Variants in CHD8 observed in about 807,000 individuals in gnomAD.
CHD8 encodes the protein ATP-dependent chromatin remodeler CHD8.
Under a neutral mutation model 279.2 loss-of-function variants are expected in CHD8, and 31 were observed. That is an observed-to-expected ratio of 0.11 (90% CI 0.08 to 0.15). The LOEUF is 0.15. Among genes scored for constraint, CHD8 ranks in the 10% least tolerant of loss-of-function variants. The probability of loss-of-function intolerance (pLI) is 1.00; values close to 1 mark genes in which losing one functional copy is unlikely to be tolerated. For missense variants in CHD8, 2,146 were observed against 3,230.5 expected (o/e 0.66, Z 8.14); for synonymous variants, 1,081 against 1,139.6 (o/e 0.95, Z 1.04).
At position 21,425,859 on chromosome 14, in the gene CHD8, C is replaced by T. The variant is rs1294543472; in HGVS notation, c.1716+269G>A. On this transcript the variant is annotated intron_variant, in intron 5 of 37. Coordinates refer to ENST00000646647, the MANE Select transcript of CHD8 (RefSeq NM_001170629.2). ...GCTAAGGCAGGATAATCGTTTGAAACCGGGAGGCAGAGGGTGCAGTAAGCT... is the reference window on the plus strand; with the variant it reads ...GCTAAGGCAGGATAATCGTTTGAAATCGGGAGGCAGAGGGTGCAGTAAGCT... The T allele has an allele frequency of 3.5e-5, 12 of 343,016 alleles. No individual in the cohort carries two copies. The Admixed American group carries it at 5.3e-4, about 15-fold the overall frequency. 21.2% of individuals were successfully genotyped at this position (343,016 alleles called of 1,614,324 possible).
intron 1 of CHD8, 138 bp from the exon 2 acceptor site, chr14:21,431,996 C>A: frequency 3.2e-6 from 2 of 626,892 alleles, no homozygotes; most frequent in South Asian, 1.9e-5. Flanking sequence ...TGAGGACGGA[C>A]ATACAGCAGA....
chr14:21,401,195 G>T, intron 21 of CHD8, 124 bp from the exon 22 acceptor site: 1 of 909,650 alleles, frequency 1.1e-6, no homozygotes, highest in Non-Finnish European at 1.6e-6. Flanking sequence ...TTTTTTAAAT[G>T]ACATGTAAAA....
At chr14:21,399,893 C>T (rs1887955245) in intron 25 of CHD8, 88 bp downstream of exon 25, 5 of 1,196,408 alleles carry the variant, frequency 4.2e-6, no homozygotes, top group Admixed American at 1.7e-5. Flanking sequence ...TATCAGGTAT[C>T]CCAAAGATAG....
chr14:21,443,041 T>C (rs1035671485), intron 1 of CHD8, among the ~76,000 whole-genome samples: 4 of 152,122 alleles, frequency 2.6e-5, no homozygotes, highest in African/African-American at 9.7e-5. Flanking sequence ...AAAGCCAGAA[T>C]TTTGACTGTA....
At chr14:21,434,108 C>T (rs988577780) in intron 1 of CHD8, among the ~76,000 whole-genome samples, 13 of 149,502 alleles carry the variant, frequency 8.7e-5, no homozygotes, top group African/African-American at 2.2e-4. Context: ...TGCAATGGCG[C>T]GATCTCGGCT....
At position 21,408,933 on chromosome 14, in the gene CHD8, T is replaced by C. The variant is rs1888364890; in HGVS notation, c.2365-108A>G. 4 of 1,111,008 alleles carry C rather than the reference T, an allele frequency of 3.6e-6. No homozygotes were observed. Among genetic ancestry groups the C allele is most frequent in the Non-Finnish European group, 5.1e-6 (4 of 788,138 alleles). The allele number at this position is 1,111,008 out of a possible 1,614,324, so 68.8% of individuals were successfully genotyped here. On this transcript the variant is annotated intron_variant, in intron 11 of 37. Coordinates refer to ENST00000646647, the MANE Select transcript of CHD8 (RefSeq NM_001170629.2). This position sits in a 1 kb window ranked among gnomAD's most constrained non-coding sequence, Gnocchi z 4.3. ...TCAATTCAAAACAACATTGTTTGGA[T>C]TAAAACATGTCAAATATATTTAAAT...
chr14:21,392,783 G>T lies in CHD8; in HGVS notation c.6495C>A (p.Asp2165Glu). The change falls in exon 34 of 38, where the codon GAC becomes GAA. Residue 2165 changes from aspartate to glutamate, a missense_variant. Physicochemically the swap from Asp to Glu is conservative, Grantham distance 45. This residue lies in a region of CHD8 where 513 missense variants were observed against 637.6 expected (regional missense o/e 0.80). Transcript: ENST00000646647. The stretch of plus-strand genomic sequence containing the variant: ...CTGAGAGTACAGCCTGGCAGACGAG[G>T]TCAATACGGTTTATCAGGACACGAT... ...PKDRVLINRI[D>E]LVCQAVLSGK... 2 of 1,613,854 alleles carry T rather than the reference G, an allele frequency of 1.2e-6. No homozygotes were observed. Among genetic ancestry groups the T allele is most frequent in the Non-Finnish European group, 8.5e-7 (1 of 1,179,850 alleles).
intron 26 of CHD8, chr14:21,399,358 A>G (rs894513671): frequency 2.1e-6 from 1 of 484,812 alleles, no homozygotes; most frequent in Non-Finnish European, 3.8e-6. Flanking sequence ...CACTGCTAAC[A>G]GTGATTAGAG....
chr14:21,428,343 T>C, intron 3 of CHD8, 89 bp from the exon 4 acceptor site: 3 of 1,184,250 alleles, frequency 2.5e-6, no homozygotes, highest in Non-Finnish European at 1.2e-6. Flanking sequence ...GGCTAGAAAC[T>C]AGTTCTTTAA....
At position 21,395,943 on chromosome 14, in the gene CHD8, C is replaced by G. The variant is rs370399801; in HGVS notation, c.5052-51G>C. The stretch of plus-strand genomic sequence containing the variant: ...AATGTTAATAATGTATCTTCTATCA[C>G]TAAGGGAACCTAGGATGAAGACCTA... On this transcript the variant is annotated intron_variant, in intron 27 of 37. Transcript: ENST00000646647. 3.3e-5 allele frequency: 39 copies of G among 1,165,816 alleles called. No homozygotes were observed. In the African/African-American group the frequency reaches 5.9e-4, roughly 18 times the overall value. The allele number at this position is 1,165,816 out of a possible 1,614,324, so 72.2% of individuals were successfully genotyped here. A position where few individuals can be genotyped will look rare whatever the true frequency, so the allele number is the denominator to read the frequency against.
In CHD8 at chr14:21,399,997, C is replaced by T; in HGVS notation, c.4801G>A (p.Gly1601Arg). The T allele has an allele frequency of 2.5e-6, 4 of 1,613,214 alleles. No homozygotes were observed. The highest frequency in any genetic ancestry group is 1.3e-5 in the African/African-American group (1 of 74,972). ...VIGDQAEKVL[G>R]GAIASEIDIW... is the part of the protein sequence containing the mutation. ...GAATTTTACCTGGCAATCGCACCCCCTAACACCTTTTCTGCTTGGTCTCCA... is the reference window on the plus strand; with the variant it reads ...GAATTTTACCTGGCAATCGCACCCCTTAACACCTTTTCTGCTTGGTCTCCA... The change falls in exon 25 of 38, where the codon GGG becomes AGG. Residue 1601 changes from glycine to arginine, a missense_variant. Physicochemically the swap from Gly to Arg is moderately radical, Grantham distance 125. Transcript: ENST00000646647.
intron 1 of CHD8, among the ~76,000 whole-genome samples, chr14:21,438,710 T>C (rs940817672): frequency 2.6e-5 from 4 of 151,860 alleles, no homozygotes; most frequent in African/African-American, 9.7e-5. Flanking sequence ...CATTCGCCTG[T>C]AGTCCCGGCT....
chr14:21,437,911 G>T (rs1018225382), intron 1 of CHD8, among the ~76,000 whole-genome samples: 1 of 151,854 alleles, frequency 6.6e-6, no homozygotes, highest in Non-Finnish European at 1.5e-5. Context: ...CTCTAAACTC[G>T]GTTTCCTGTT....
chr14:21,392,281 A>G (rs758413800), intron 34 of CHD8: 1 of 755,452 alleles, frequency 1.3e-6, no homozygotes, highest in East Asian at 2.5e-5. Context: ...TAAGCATACT[A>G]ATTTAAGAAA....
At chr14:21,386,291 GGCAAAACAA>G in intron 37 of CHD8, 115 bp from the exon 38 acceptor site, 1 of 974,852 alleles carries the variant, frequency 1.0e-6, no homozygotes, top group Non-Finnish European at 1.5e-6. Context: ...CCTTAGAAGA[GGCAAAACAA>G]GCACAGCGAT....
At position 21,408,163 on chromosome 14, in the gene CHD8, A is replaced by G. The variant is rs1408191917; in HGVS notation, c.2730+149T>C. On this transcript the variant is annotated intron_variant, in intron 13 of 37. Coordinates refer to ENST00000646647, the MANE Select transcript of CHD8 (RefSeq NM_001170629.2). This position sits in a 1 kb window ranked among gnomAD's most constrained non-coding sequence, Gnocchi z 4.3. ...TCAAAAAAATGCCCTGCACACTGCT[A>G]TACAAAAATGCCTTAAACCATAGGC... 2 of 897,472 alleles carry G rather than the reference A, an allele frequency of 2.2e-6. No homozygotes were observed. The highest frequency in any genetic ancestry group is 3.3e-6 in the Non-Finnish European group (2 of 599,218). 55.6% of individuals were successfully genotyped at this position (897,472 alleles called of 1,614,324 possible). A position where few individuals can be genotyped will look rare whatever the true frequency, so the allele number is the denominator to read the frequency against.
At chr14:21,397,140 G>C (rs1887823253) in intron 27 of CHD8, 2 of 253,240 alleles carry the variant, frequency 7.9e-6, no homozygotes, top group Non-Finnish European at 8.3e-6. Context: ...GTTCTTCTGA[G>C]CAGACAGGTG....
At chr14:21,413,856 T>G (rs1888610592) in intron 9 of CHD8, 1 of 154,968 alleles carries the variant, frequency 6.5e-6, no homozygotes, top group South Asian at 2.0e-4. Context: ...ATTTCTTCAC[T>G]CATCTTGCTC....
In CHD8 at chr14:21,402,902, C is replaced by A; in HGVS notation, c.3714+115G>T. 1 of 858,464 alleles carries A rather than the reference C, an allele frequency of 1.2e-6. No individual in the cohort carries two copies. The highest frequency in any genetic ancestry group is 1.8e-6 in the Non-Finnish European group (1 of 562,686). 53.2% of individuals were successfully genotyped at this position (858,464 alleles called of 1,614,324 possible). On this transcript the variant is annotated intron_variant, in intron 18 of 37. Transcript: ENST00000646647. The surrounding 1 kb of genome is among the most constrained non-coding windows in gnomAD (Gnocchi z 4.5). The stretch of plus-strand genomic sequence containing the variant: ...GCTGATTCCCTGACCTAACTGCCAC[C>A]CTTAACTAAGGAAACAATTCCAAAC...
Sources: gnomAD v4.1 joint callset for allele counts (sites outside exome capture counted in the v4.1 genomes callset) on GRCh38, gnomAD v4.1.1 for gene constraint, gnomAD v4.1.1 regional missense constraint, Gnocchi (gnomAD v3.1) non-coding constraint, MANE v1.5 for transcripts, NCBI Gene and HGNC (gene_info 2026-07-23, HGNC 2026-07-21) for gene names.